Variants in DYNC2I2 observed in about 807,000 individuals in gnomAD.
The protein encoded by DYNC2I2 is cytoplasmic dynein 2 intermediate chain 2.
A neutral mutation model predicts 52.0 loss-of-function variants in DYNC2I2; 39 were observed. That is an observed-to-expected ratio of 0.75 (90% confidence interval 0.58 to 0.98). DYNC2I2 has a LOEUF of 0.98. Among genes scored for constraint, DYNC2I2 ranks in the 50% least tolerant of loss-of-function variants. The probability of loss-of-function intolerance (pLI) is 0.00; values close to 1 mark genes in which losing one functional copy is unlikely to be tolerated. For missense variants in DYNC2I2, 743 were observed against 728.4 expected (o/e 1.02, Z -0.23); for synonymous variants, 359 against 321.1 (o/e 1.12, Z -1.26).
chr9:128,635,343 C>T, intron 5 of DYNC2I2, 84 bp from the exon 6 acceptor site: 2 of 1,467,008 alleles, frequency 1.4e-6, no homozygotes, highest in South Asian at 1.4e-5. Flanking sequence ...TCCCTCTCTT[C>T]CAGGAAAAAA....
chr9:128,634,270 C>T lies in DYNC2I2; in HGVS notation c.1328G>A (p.Trp443Ter). ...LSLKYLFAVR[W>*]SPVRPLVFAA... ...AAAAACCAAGGGCCGCACTGGGGAC[C>T]AGCGCACAGCAAACAGATACTTGAG... Residue 443 changes from tryptophan (W) to a stop codon, truncating the protein, a stop_gained, in exon 8 of 9, where the codon TGG becomes TAG. Transcript: ENST00000372715. LOFTEE classifies it high-confidence loss of function. 1 of 1,613,912 alleles carries T rather than the reference C, an allele frequency of 6.2e-7. No individual in the cohort carries two copies. Among genetic ancestry groups the T allele is most frequent in the Non-Finnish European group, 8.5e-7 (1 of 1,180,034 alleles).
Position 128,634,855 on chromosome 9 carries a change from A to G in DYNC2I2, c.1048T>C (p.Phe350Leu). The G allele has an allele frequency of 6.2e-7, 1 of 1,613,506 alleles. No homozygotes were observed. Among genetic ancestry groups the G allele is most frequent in the Non-Finnish European group, 8.5e-7 (1 of 1,179,962 alleles). Residue 350 changes from phenylalanine (F) to leucine (L), a missense_variant, in exon 7 of 9, where the codon TTC (phenylalanine) becomes CTC (leucine). Transcript: ENST00000372715. ...VAFSSFDPRLFILGTEGGFPL... is the reference protein window; with the variant it reads ...VAFSSFDPRLLILGTEGGFPL... ...AAGCCGCCTTCCGTGCCCAGAATGA[A>G]CAGCCTAGGGTCAAAGCTGGAGAAG...
chr9:128,639,405 T>TA (rs570265144), intron 2 of DYNC2I2, among the ~76,000 whole-genome samples: 215 of 144,648 alleles, frequency 1.5e-3, no homozygotes, highest in African/African-American at 4.5e-3. Flanking sequence ...CTCAAAAAAA[T>TA]AAAAAAAAAA....
At chr9:128,684,020 G>T in the DYNC2I2 span, 3 of 1,527,914 alleles carry the variant, frequency 2.0e-6, no homozygotes, top group Non-Finnish European at 1.8e-6. Context: ...ACGTTTCTGC[G>T]CTAAGTTTTA....
chr9:128,684,076 C>A, the DYNC2I2 span: 2 of 1,256,868 alleles, frequency 1.6e-6, no homozygotes, highest in Non-Finnish European at 2.3e-6. Context: ...TGATTTTTAC[C>A]CCCCAATCCC....
chr9:128,656,312 G>T (rs1860822885), intron 1 of DYNC2I2, among the ~76,000 whole-genome samples: 1 of 152,156 alleles, frequency 6.6e-6, no homozygotes, highest in East Asian at 1.9e-4. Context: ...GAGGTGTTTT[G>T]TTTTTCCACT....
the DYNC2I2 span, among the ~76,000 whole-genome samples, chr9:128,666,067 T>G: frequency 6.6e-6 from 1 of 151,060 alleles, no homozygotes; most frequent in African/African-American, 2.4e-5. Flanking sequence ...AGAGCAAGAC[T>G]CCGTCTCAAA....
chr9:128,657,782 G>A, upstream of DYNC2I2, among the ~76,000 whole-genome samples: 1 of 152,050 alleles, frequency 6.6e-6, no homozygotes, highest in East Asian at 1.9e-4. Flanking sequence ...ACTACAGCCT[G>A]AGTGATAGAG....
the DYNC2I2 span, among the ~76,000 whole-genome samples, chr9:128,678,448 AT>A: frequency 1.2e-3 from 72 of 61,370 alleles, no homozygotes; most frequent in Middle Eastern, 0.024. Flanking sequence ...ACCACAGGTA[AT>A]TTTTTTTTTT....
At position 128,633,663 on chromosome 9, in the gene DYNC2I2, G is replaced by A. The variant is rs1218019091; in HGVS notation, c.*81C>T. The A allele has an allele frequency of 5.4e-6, 8 of 1,477,752 alleles. No homozygotes were observed. The highest frequency in any genetic ancestry group is 7.4e-6 in the Non-Finnish European group (8 of 1,086,160). 91.5% of individuals were successfully genotyped at this position (1,477,752 alleles called of 1,614,324 possible). ...CAAATAAATGATGACTTCCCCCAAA[G>A]CTTTGCTTTTCTTCATTTGGCTTGC... On this transcript the variant is annotated 3_prime_UTR_variant, in exon 9 of 9. Coordinates refer to ENST00000372715, the MANE Select transcript of DYNC2I2 (RefSeq NM_052844.4).
At chr9:128,636,847 G>T in intron 3 of DYNC2I2, 71 bp downstream of exon 3, 2 of 1,205,864 alleles carry the variant, frequency 1.7e-6, no homozygotes, top group East Asian at 2.5e-5. Flanking sequence ...TCCCTGTGCA[G>T]CTACAGAGAC....
intron 1 of DYNC2I2, among the ~76,000 whole-genome samples, chr9:128,656,233 CAA>C (rs1428428754): frequency 6.6e-6 from 1 of 151,774 alleles, no homozygotes; most frequent in Non-Finnish European, 1.5e-5. Flanking sequence ...AAAACAAAAC[CAA>C]AAAAAGTTGT....
the DYNC2I2 span, chr9:128,683,289 T>TTC: frequency 4.1e-4 from 73 of 178,098 alleles, 1 homozygote; most frequent in East Asian, 6.5e-3. Flanking sequence ...CTTTTTTTTT[T>TTC]TTTTAAAGCA....
At chr9:128,682,272 T>C in the DYNC2I2 span, among the ~76,000 whole-genome samples, 1 of 151,834 alleles carries the variant, frequency 6.6e-6, no homozygotes, top group Non-Finnish European at 1.5e-5. Flanking sequence ...ACGATCTCGA[T>C]CTCCTGACCT....
At chr9:128,660,358 C>T (rs1860904452), upstream of DYNC2I2, among the ~76,000 whole-genome samples, 1 of 151,954 alleles carries the variant, frequency 6.6e-6, no homozygotes, top group African/African-American at 2.4e-5. Flanking sequence ...GATCTGCCCA[C>T]CTCGGCCTCC....
intron 1 of DYNC2I2, among the ~76,000 whole-genome samples, chr9:128,655,884 C>T (rs1347311514): frequency 1.4e-5 from 2 of 143,548 alleles, no homozygotes; most frequent in Non-Finnish European, 3.0e-5. Context: ...GCACTCCAGC[C>T]TGGGCGACAG....
the DYNC2I2 span, among the ~76,000 whole-genome samples, chr9:128,665,370 T>A: frequency 1.3e-5 from 2 of 152,064 alleles, no homozygotes; most frequent in South Asian, 4.1e-4. Context: ...AATTTCAAAG[T>A]TACTCAGCCA....
chr9:128,645,534 T>C lies in DYNC2I2; in HGVS notation c.187-4595A>G, dbSNP rs916102653. ...TGGGAGGCTGAGGCAGGAGAATCACTTGAACCCAAAAAGCAGAGGTTGCAA... is the reference window on the plus strand; with the variant it reads ...TGGGAGGCTGAGGCAGGAGAATCACCTGAACCCAAAAAGCAGAGGTTGCAA... On this transcript the variant is annotated intron_variant, in intron 1 of 8. Coordinates refer to ENST00000372715, the MANE Select transcript of DYNC2I2 (RefSeq NM_052844.4). 2.9e-5 allele frequency among the ~76,000 whole-genome samples: 4 copies of C among 137,474 alleles called. No homozygotes were observed. The Admixed American group carries it at 3.4e-4, about 12-fold the overall frequency. 90.2% of individuals were successfully genotyped at this position (137,474 alleles called of 152,430 possible).
chr9:128,635,767 C>T lies in DYNC2I2; in HGVS notation c.704G>A (p.Gly235Glu). 1 of 1,610,566 alleles carries T rather than the reference C, an allele frequency of 6.2e-7. No homozygotes were observed. The highest frequency in any genetic ancestry group is 8.5e-7 in the Non-Finnish European group (1 of 1,178,286). ...CAACACCTCACCACTGTACAGCCCT[C>T]CTGCAGGGACAGTGGACCTGGGCAG... ...FHPTQPSHVA[G>E]GLYSGEVLVW... is the part of the protein sequence containing the mutation. The change falls in exon 5 of 9, where the codon GGA (glycine) becomes GAA (glutamate). Residue 235 changes from glycine (G) to glutamate (E), a missense_variant and splice_region_variant. Transcript: ENST00000372715.
Sources: gnomAD v4.1 joint callset for allele counts (sites outside exome capture counted in the v4.1 genomes callset) on GRCh38, gnomAD v4.1.1 for gene constraint, MANE v1.5 for transcripts, NCBI Gene and HGNC (gene_info 2026-07-23, HGNC 2026-07-21) for gene names.